Variants in HMCN1 observed in about 807,000 individuals in gnomAD.
HMCN1 encodes hemicentin-1.
In HMCN1, 321 loss-of-function variants were observed where a neutral mutation model predicts 625.9. The observed-to-expected ratio is 0.51, with a 90% CI of 0.47 to 0.56. The LOEUF (loss-of-function observed/expected upper bound fraction) is 0.56. HMCN1 is among the 20% of genes least tolerant of loss of function. The pLI is 0.00. For synonymous variants in HMCN1, 2,425 were observed against 2,417.6 expected, an observed-to-expected ratio of 1.00 and a Z score of -0.09; for missense variants, 6,588 against 6,887.3, an observed-to-expected ratio of 0.96 and a Z score of 1.54.
intron 55 of HMCN1, among the ~76,000 whole-genome samples, chr1:186,079,460 T>C (rs369597999): frequency 1.3e-5 from 2 of 152,324 alleles, no homozygotes; most frequent in Admixed American, 6.5e-5. Flanking sequence ...AGAGCAGTTA[T>C]ACCTTCTACA....
intron 29 of HMCN1, among the ~76,000 whole-genome samples, chr1:186,006,408 G>C (rs997627964): frequency 1.3e-5 from 2 of 152,134 alleles, no homozygotes; most frequent in South Asian, 4.1e-4. Context: ...AAAGGTATGA[G>C]TCTTAGGATA....
chr1:185,948,805 G>C (rs1329051040), intron 11 of HMCN1, among the ~76,000 whole-genome samples: 1 of 151,572 alleles, frequency 6.6e-6, no homozygotes, highest in African/African-American at 2.4e-5. Context: ...AATTTTTGGG[G>C]GGTGGTATGG....
chr1:185,956,284 C>T (rs1649627341), intron 11 of HMCN1, among the ~76,000 whole-genome samples: 1 of 152,030 alleles, frequency 6.6e-6, no homozygotes, highest in Admixed American at 6.6e-5. Context: ...ATCTAGATCC[C>T]ACAGATTGAA....
chr1:186,122,956 C>G lies in HMCN1; in HGVS notation c.12235C>G (p.Pro4079Ala). The G allele has an allele frequency of 6.2e-7, 1 of 1,613,690 alleles. No homozygotes were observed. The highest frequency in any genetic ancestry group is 8.5e-7 in the Non-Finnish European group (1 of 1,179,960). ...GKIKLNVQVP[P>A]VISPHLKEYV... Reference sequence around the variant, plus strand: ...ATATTTTTTGTATATTTTAGTTCCTCCAGTCATTAGCCCTCATCTAAAGGA... The same window carrying G: ...ATATTTTTTGTATATTTTAGTTCCTGCAGTCATTAGCCCTCATCTAAAGGA... The change falls in exon 81 of 107, where the codon CCA becomes GCA. Residue 4079 changes from proline to alanine, a missense_variant. Physicochemically the swap from Pro to Ala is conservative, Grantham distance 27. Coordinates refer to ENST00000271588, the MANE Select transcript of HMCN1 (RefSeq NM_031935.3).
chr1:185,830,901 A>AT (rs1660817872), intron 1 of HMCN1, among the ~76,000 whole-genome samples: 1 of 152,110 alleles, frequency 6.6e-6, no homozygotes, highest in Non-Finnish European at 1.5e-5. Flanking sequence ...AGAAAAAAAA[A>AT]ATAGTGGCTA....
At position 186,074,884 on chromosome 1, in the gene HMCN1, T is replaced by C; in HGVS notation, c.8283T>C (p.Asn2761=). The change falls in exon 53 of 107, where the codon AAT becomes AAC. Residue 2761 remains asparagine (N), a synonymous_variant. Coordinates refer to ENST00000271588, the MANE Select transcript of HMCN1 (RefSeq NM_031935.3). ...AGEDELDFDV[N]IQVPPSFQKL... is the part of the protein sequence containing the mutation. Reference sequence around the variant, plus strand: ...AAGATGAGTTGGATTTTGATGTGAATATTCAAGGTAATACTAATTGCTTAT... The same window carrying C: ...AAGATGAGTTGGATTTTGATGTGAACATTCAAGGTAATACTAATTGCTTAT... 6.2e-7 allele frequency: 1 copy of C among 1,609,560 alleles called. No individual in the cohort carries two copies. The highest frequency in any genetic ancestry group is 8.5e-7 in the Non-Finnish European group (1 of 1,176,192).
At position 186,001,771 on chromosome 1, in the gene HMCN1, A is replaced by G. The variant is rs532780977; in HGVS notation, c.4348+30A>G. The stretch of plus-strand genomic sequence containing the variant: ...GAAATACATCCTTTTAAAAAACTAC[A>G]ATTCAGAAGCATTTCTTACCTAAAA... On this transcript the variant is annotated intron_variant, in intron 28 of 106. Transcript: ENST00000271588. 140 of 1,583,070 alleles carry G rather than the reference A, an allele frequency of 8.8e-5. 3 individuals carry two copies. The South Asian group carries it at 1.5e-3, about 17-fold the overall frequency.
chr1:185,867,435 C>T (rs1027303482), intron 4 of HMCN1, among the ~76,000 whole-genome samples: 4 of 152,176 alleles, frequency 2.6e-5, no homozygotes, highest in Non-Finnish European at 5.9e-5. Context: ...AAAAACTGCT[C>T]ATAGAAATTG....
At chr1:186,181,481 A>G (rs1198606272) in intron 104 of HMCN1, among the ~76,000 whole-genome samples, 5 of 152,150 alleles carry the variant, frequency 3.3e-5, no homozygotes, top group Non-Finnish European at 7.4e-5. Context: ...ACCTTTCAAC[A>G]AAACTGTGAA....
chr1:186,130,569 A>G lies in HMCN1; in HGVS notation c.13102A>G (p.Ile4368Val), dbSNP rs781483833. The G allele has an allele frequency of 1.7e-5, 28 of 1,613,468 alleles. No individual in the cohort carries two copies. The highest frequency in any genetic ancestry group is 2.2e-5 in the East Asian group (1 of 44,886). The change falls in exon 85 of 107, where the codon ATC becomes GTC. Residue 4368 changes from isoleucine to valine, a missense_variant. Physicochemically the swap from Ile to Val is conservative, Grantham distance 29. Transcript: ENST00000271588. Reference sequence around the variant, plus strand: ...GATTGAACCACTTGGTGGGAATGCAATCCTGAATTGTGAGGTGAAAGGAGA... The same window carrying G: ...GATTGAACCACTTGGTGGGAATGCAGTCCTGAATTGTGAGGTGAAAGGAGA... Reference protein sequence around the residue: ...NWIEPLGGNAILNCEVKGDPT... With the variant: ...NWIEPLGGNAVLNCEVKGDPT...
intron 69 of HMCN1, 39 bp downstream of exon 69, chr1:186,103,707 C>A: frequency 6.5e-7 from 1 of 1,531,956 alleles, no homozygotes; most frequent in South Asian, 1.1e-5. Flanking sequence ...TAGGTTAGGT[C>A]AAACTTCTCA....
intron 57 of HMCN1, among the ~76,000 whole-genome samples, chr1:186,085,911 A>G (rs1370537101): frequency 1.3e-5 from 2 of 152,160 alleles, no homozygotes; most frequent in Non-Finnish European, 2.9e-5. Context: ...AAAATAAAAT[A>G]TTAACAAGAT....
rs143132446 is a variant in HMCN1 at position 186,088,698 on chromosome 1, T to A, written c.9670T>A (p.Cys3224Ser). The A allele has an allele frequency of 7.4e-6, 12 of 1,611,548 alleles. No homozygotes were observed. The highest frequency in any genetic ancestry group is 1.0e-5 in the Non-Finnish European group (12 of 1,178,472). ...SQHSDSGNYT[C>S]IASNMEGKAQ... Reference sequence around the variant, plus strand: ...GCATTCAGATAGTGGAAACTATACATGTATTGCTTCAAATATGGAGGGAAA... The same window carrying A: ...GCATTCAGATAGTGGAAACTATACAAGTATTGCTTCAAATATGGAGGGAAA... Residue 3224 changes from cysteine to serine, a missense_variant, in exon 63 of 107, where the codon TGT (cysteine) becomes AGT (serine). Physicochemically the swap from Cys to Ser is moderately radical, Grantham distance 112. Around this residue, in one of 3 missense-constraint regions of HMCN1, gnomAD observed 4,628 missense variants for 4,853.1 expected, o/e 0.95. Transcript: ENST00000271588.
intron 4 of HMCN1, among the ~76,000 whole-genome samples, chr1:185,906,392 G>T (rs185414957): frequency 6.6e-6 from 1 of 151,806 alleles, no homozygotes; most frequent in African/African-American, 2.4e-5. Context: ...CCTCATAAAT[G>T]TTGGTGAATT....
At chr1:186,039,962 A>G (rs1656100814) in intron 39 of HMCN1, 83 bp downstream of exon 39, 2 of 1,336,204 alleles carry the variant, frequency 1.5e-6, no homozygotes, top group South Asian at 2.4e-5. Context: ...TGTTGAAGAG[A>G]TTTAGAGAAC....
chr1:185,740,799 G>A (rs1366601569), intron 1 of HMCN1, among the ~76,000 whole-genome samples: 1 of 152,034 alleles, frequency 6.6e-6, no homozygotes, highest in Non-Finnish European at 1.5e-5. Flanking sequence ...TTCAAGACCA[G>A]CCTGGTCAAC....
chr1:185,763,506 G>T (rs778604313), intron 1 of HMCN1, among the ~76,000 whole-genome samples: 24 of 152,070 alleles, frequency 1.6e-4, no homozygotes, highest in Non-Finnish European at 2.8e-4. Flanking sequence ...ATATTAATTA[G>T]CTTTTGAAAT....
Position 186,082,777 on chromosome 1 carries a change from ATATATAT to A in HMCN1, c.8788-84_8788-78del. On this transcript the variant is annotated intron_variant, in intron 56 of 106. Coordinates refer to ENST00000271588, the MANE Select transcript of HMCN1 (RefSeq NM_031935.3). Reference sequence around the variant, plus strand: ...TTCTATCTGGTATTAAATAGAAATAATATATATTATTTATTCTAAAAAATAGACAAAT... The same window carrying A: ...TTCTATCTGGTATTAAATAGAAATAATATTTATTCTAAAAAATAGACAAAT... 4.9e-6 allele frequency: 3 copies of A among 609,628 alleles called. 1 individual carries two copies. The highest frequency in any genetic ancestry group is 3.0e-5 in the South Asian group (1 of 33,800). The allele number at this position is 609,628 out of a possible 1,614,324, so 37.8% of individuals were successfully genotyped here.
chr1:185,734,864 G>A lies in HMCN1; in HGVS notation c.85G>A (p.Glu29Lys). 1 of 1,614,022 alleles carries A rather than the reference G, an allele frequency of 6.2e-7. No individual in the cohort carries two copies. Among genetic ancestry groups the A allele is most frequent in the Non-Finnish European group, 8.5e-7 (1 of 1,179,964 alleles). ...AGCTCAAGATGCGAGCCCCCAGTCA[G>A]AGATCAGAGCTGAGGAAATTCCCGA... ...SLAQDASPQS[E>K]IRAEEIPEGA... The change falls in exon 1 of 107, where the codon GAG becomes AAG. Residue 29 changes from glutamate to lysine, a missense_variant. Coordinates refer to ENST00000271588, the MANE Select transcript of HMCN1 (RefSeq NM_031935.3).
Sources: gnomAD v4.1 joint callset for allele counts (sites outside exome capture counted in the v4.1 genomes callset) on GRCh38, gnomAD v4.1.1 for gene constraint, gnomAD v4.1.1 regional missense constraint, MANE v1.5 for transcripts, NCBI Gene and HGNC (gene_info 2026-07-23, HGNC 2026-07-21) for gene names.